Variants in XDH observed in about 807,000 individuals in gnomAD.
XDH encodes xanthine dehydrogenase/oxidase.
XDH carries 138 observed loss-of-function variants against 156.1 expected under a neutral mutation model. The ratio of observed to expected loss-of-function variants is 0.88; its 90% CI spans 0.77 to 1.02. The LOEUF is 1.02. Among genes scored for constraint, XDH ranks in the 50% least tolerant of loss-of-function variants. XDH has a pLI of 0.00. For missense variants in XDH, 1,849 were observed against 1,684.9 expected, an observed-to-expected ratio of 1.10 and a Z score of -1.71; for synonymous variants, 669 against 625.7, an observed-to-expected ratio of 1.07 and a Z score of -1.03.
At chr2:31,340,914 G>A (rs1264132000) in intron 33 of XDH, among the ~76,000 whole-genome samples, 1 of 152,136 alleles carries the variant, frequency 6.6e-6, no homozygotes, top group African/African-American at 2.4e-5. Flanking sequence ...TGCTTCCTGG[G>A]GTACAAAAGC....
At chr2:31,406,070 G>A in intron 1 of XDH, 106 bp from the exon 2 acceptor site, 1 of 1,298,764 alleles carries the variant, frequency 7.7e-7, no homozygotes, top group Non-Finnish European at 1.1e-6. Context: ...AGAGTTAGTA[G>A]GAAGTGTGAT....
intron 19 of XDH, 84 bp from the exon 20 acceptor site, chr2:31,368,141 T>C (rs1685972583): frequency 1.6e-6 from 2 of 1,240,742 alleles, no homozygotes; most frequent in Middle Eastern, 1.9e-4. Flanking sequence ...AGAAGCTCTC[T>C]GAATTGTTGA....
chr2:31,367,776 G>C (rs1168678604), intron 20 of XDH, among the ~76,000 whole-genome samples, 185 bp downstream of exon 20: 1 of 152,132 alleles, frequency 6.6e-6, no homozygotes, highest in African/African-American at 2.4e-5. Flanking sequence ...GGAGAGTAGA[G>C]ATTAAGATAA....
intron 6 of XDH, 60 bp downstream of exon 6, chr2:31,397,608 G>A: frequency 6.2e-7 from 1 of 1,604,534 alleles, no homozygotes; most frequent in Non-Finnish European, 8.5e-7. Flanking sequence ...TCCCCACAGT[G>A]ATTTCTGAGT....
chr2:31,348,337 T>G lies in XDH; in HGVS notation c.3078A>C (p.Thr1026=). Residue 1026 remains threonine, a synonymous_variant, in exon 28 of 36, where the codon ACA becomes ACC. Transcript: ENST00000379416. The part of the protein sequence containing the change: ...NQAGALLHVY[T]DGSVLLTHGG... Reference sequence around the variant, plus strand: ...CGTGGGTCAGCAGCACAGAGCCATCTGTGTACACATGAAGTAGGGCTCCTG... The same window carrying G: ...CGTGGGTCAGCAGCACAGAGCCATCGGTGTACACATGAAGTAGGGCTCCTG... 6.2e-7 allele frequency: 1 copy of G among 1,614,236 alleles called. No homozygotes were observed. The highest frequency in any genetic ancestry group is 8.5e-7 in the Non-Finnish European group (1 of 1,180,040).
At chr2:31,381,850 A>G (rs544771783) in intron 11 of XDH, 124 bp from the exon 12 acceptor site, 48 of 834,480 alleles carry the variant, frequency 5.8e-5, no homozygotes, top group Admixed American at 2.0e-4. Flanking sequence ...TCCTGTGCCT[A>G]CTGTAGTCAC....
chr2:31,377,856 C>CA (rs774031982), intron 13 of XDH, among the ~76,000 whole-genome samples: 1,323 of 119,026 alleles, frequency 0.011, 13 homozygotes, highest in African/African-American at 0.028. Flanking sequence ...CCTATCTCTA[C>CA]AAAAAAAAAA....
chr2:31,403,045 T>C lies in XDH; in HGVS notation c.197+3A>G, dbSNP rs1335779829. The stretch of plus-strand genomic sequence containing the variant: ...GGGTGGTCAGCCAGCAGGCAAAGGA[T>C]ACACGATCTTGTTCTGCAGACGATC... On this transcript the variant is annotated splice_donor_region_variant and intron_variant, in intron 3 of 35. Transcript: ENST00000379416. 6.2e-7 allele frequency: 1 copy of C among 1,614,066 alleles called. No homozygotes were observed. The highest frequency in any genetic ancestry group is 1.3e-5 in the African/African-American group (1 of 75,032).
In XDH at chr2:31,348,314, T is replaced by C; in HGVS notation, c.3101A>G (p.His1034Arg). The C allele has an allele frequency of 6.2e-7, 1 of 1,614,058 alleles. No individual in the cohort carries two copies. Among genetic ancestry groups the C allele is most frequent in the South Asian group, 1.1e-5 (1 of 91,074 alleles). The change falls in exon 28 of 36, where the codon CAC (histidine) becomes CGC (arginine). Residue 1034 changes from histidine to arginine, a missense_variant. Physicochemically the swap from His to Arg is conservative, Grantham distance 29. Coordinates refer to ENST00000379416, the MANE Select transcript of XDH (RefSeq NM_000379.4). ...GCCTTGGCCCATCTCAGTCCCCCCGTGGGTCAGCAGCACAGAGCCATCTGT... is the reference window on the plus strand; with the variant it reads ...GCCTTGGCCCATCTCAGTCCCCCCGCGGGTCAGCAGCACAGAGCCATCTGT... ...VYTDGSVLLTHGGTEMGQGLH... is the reference protein window; with the variant it reads ...VYTDGSVLLTRGGTEMGQGLH...
At chr2:31,401,731 C>G (rs1420361770) in intron 3 of XDH, among the ~76,000 whole-genome samples, 1 of 152,260 alleles carries the variant, frequency 6.6e-6, no homozygotes, top group Non-Finnish European at 1.5e-5. Flanking sequence ...CTTCCAATCA[C>G]TTTGCTTCCC....
intron 24 of XDH, among the ~76,000 whole-genome samples, chr2:31,362,629 C>G (rs768151177): frequency 5.9e-5 from 9 of 152,172 alleles, no homozygotes; most frequent in Non-Finnish European, 1.2e-4. Flanking sequence ...TTCAGCTCAT[C>G]TTGACATAGG....
rs557103794 is a variant in XDH, at chr2:31,370,364, C to T, written c.1971G>A (p.Ala657=). The T allele has an allele frequency of 5.0e-6, 8 of 1,614,094 alleles. No homozygotes were observed. The highest frequency in any genetic ancestry group is 1.6e-4 in the Middle Eastern group (1 of 6,084). ...TGICNDETVF[A]KDKVTCVGHI... is the part of the protein sequence containing the mutation. ...AAAATCCAAGACTTACCTTATCCTTCGCAAAGACTGTCTCATCATTACAAA... is the reference window on the plus strand; with the variant it reads ...AAAATCCAAGACTTACCTTATCCTTTGCAAAGACTGTCTCATCATTACAAA... Residue 657 remains alanine, a synonymous_variant, in exon 18 of 36, where the codon GCG becomes GCA. Coordinates refer to ENST00000379416, the MANE Select transcript of XDH (RefSeq NM_000379.4).
rs773847071 is a variant in XDH at position 31,403,137 on chromosome 2, C to A, written c.108G>T (p.Leu36=). 6.2e-7 allele frequency: 1 copy of A among 1,614,144 alleles called. No homozygotes were observed. The highest frequency in any genetic ancestry group is 8.5e-7 in the Non-Finnish European group (1 of 1,180,016). The part of the protein sequence containing the change: ...LLAYLRRKLG[L]SGTKLGCGEG... ...CTCCACAGCCGAGCTTGGTTCCACT[C>A]AGCCCCACTGGGTGGTCAAGAGTTA... Residue 36 remains leucine (L), a synonymous_variant, in exon 3 of 36, where the codon CTG becomes CTT. Transcript: ENST00000379416.
chr2:31,395,449 C>A (rs1189896621), intron 6 of XDH, among the ~76,000 whole-genome samples: 1 of 152,114 alleles, frequency 6.6e-6, no homozygotes, highest in Non-Finnish European at 1.5e-5. Context: ...GAGGACAGGC[C>A]TTTTTAAGAA....
At chr2:31,346,067 T>C (rs1171623823) in intron 30 of XDH, among the ~76,000 whole-genome samples, 1 of 152,196 alleles carries the variant, frequency 6.6e-6, no homozygotes, top group Non-Finnish European at 1.5e-5. Flanking sequence ...CCGGTTTATG[T>C]GCAGTCACAT....
chr2:31,348,338 G>C lies in XDH; in HGVS notation c.3077C>G (p.Thr1026Arg). The change falls in exon 28 of 36, where the codon ACA becomes AGA. Residue 1026 changes from threonine to arginine, a missense_variant. Transcript: ENST00000379416. ...GTGGGTCAGCAGCACAGAGCCATCT[G>C]TGTACACATGAAGTAGGGCTCCTGC... ...NQAGALLHVY[T>R]DGSVLLTHGG... 6.2e-7 allele frequency: 1 copy of C among 1,614,200 alleles called. No homozygotes were observed.
At chr2:31,366,766 C>G in intron 21 of XDH, 104 bp downstream of exon 21, 2 of 1,584,506 alleles carry the variant, frequency 1.3e-6, no homozygotes, top group South Asian at 2.2e-5. Context: ...ACCCTCTGGA[C>G]CAGCCCACAT....
intron 2 of XDH, among the ~76,000 whole-genome samples, chr2:31,405,687 G>C (rs1420385579): frequency 6.6e-6 from 1 of 152,132 alleles, no homozygotes; most frequent in Non-Finnish European, 1.5e-5. Context: ...TCTTAGCGGG[G>C]AGACACCTCG....
chr2:31,336,045 T>G, intron 35 of XDH, 37 bp from the exon 36 acceptor site: 2 of 1,607,422 alleles, frequency 1.2e-6, no homozygotes, highest in East Asian at 2.2e-5. Flanking sequence ...TGCCAGGGTC[T>G]GCTGATCATG....
Sources: gnomAD v4.1 joint callset for allele counts (sites outside exome capture counted in the v4.1 genomes callset) on GRCh38, gnomAD v4.1.1 for gene constraint, MANE v1.5 for transcripts, NCBI Gene and HGNC (gene_info 2026-07-23, HGNC 2026-07-21) for gene names.